The following C12orf42 variants were observed in gnomAD, a reference collection of about 807,000 sequenced individuals.
C12orf42 encodes the protein uncharacterized protein C12orf42.
A neutral mutation model predicts 21.6 loss-of-function variants in C12orf42; 25 were observed. The observed-to-expected ratio is 1.16, with a 90% CI of 0.84 to 1.62. The LOEUF (loss-of-function observed/expected upper bound fraction) is 1.62, where lower values mean the gene tolerates loss of function less well. Among genes scored for constraint, C12orf42 ranks in the 40% most tolerant of loss-of-function variants. The pLI is 0.00. For synonymous variants in C12orf42, 174 were observed against 175.0 expected (o/e 0.99, Z 0.05); for missense variants, 483 against 459.3 (o/e 1.05, Z -0.47).
At chr12:103,244,564 A>C (rs1412009995) in intron 10 of C12orf42, among the ~76,000 whole-genome samples, 1 of 151,984 alleles carries the variant, frequency 6.6e-6, no homozygotes, top group Non-Finnish European at 1.5e-5. Flanking sequence ...AAAAAAAAAA[A>C]AAAGAAAAAT....
chr12:103,439,458 G>A (rs2139517956), intron 2 of C12orf42, among the ~76,000 whole-genome samples: 1 of 107,130 alleles, frequency 9.3e-6, no homozygotes, highest in East Asian at 2.9e-4. Flanking sequence ...ACTACCATCA[G>A]AGTGAACAGG....
chr12:103,055,633 G>A, the C12orf42 span, among the ~76,000 whole-genome samples: 1 of 151,666 alleles, frequency 6.6e-6, no homozygotes, highest in African/African-American at 2.4e-5. Flanking sequence ...AGATTCTTTA[G>A]GATGACTTTA....
chr12:103,138,593 T>C, the C12orf42 span, among the ~76,000 whole-genome samples: 7 of 152,304 alleles, frequency 4.6e-5, no homozygotes, highest in African/African-American at 1.7e-4. Context: ...AGTGTGAGAA[T>C]GCACTAATAC....
At chr12:103,561,274 G>T in the C12orf42 span, among the ~76,000 whole-genome samples, 2 of 152,130 alleles carry the variant, frequency 1.3e-5, no homozygotes, top group African/African-American at 4.8e-5. Context: ...TGTACATGAG[G>T]CTTCCTTCCA....
intron 4 of C12orf42, among the ~76,000 whole-genome samples, chr12:103,287,274 A>G (rs2036525694): frequency 6.6e-6 from 1 of 152,218 alleles, no homozygotes; most frequent in African/African-American, 2.4e-5. Context: ...CTGCAGCACT[A>G]TTCACAATAG....
chr12:103,166,541 T>G, the C12orf42 span, among the ~76,000 whole-genome samples: 1 of 152,218 alleles, frequency 6.6e-6, no homozygotes, highest in South Asian at 2.1e-4. Flanking sequence ...ACATAATAAA[T>G]GGAGTCAGAA....
intron 4 of C12orf42, among the ~76,000 whole-genome samples, chr12:103,352,175 T>A (rs2043157000): frequency 6.6e-6 from 1 of 152,134 alleles, no homozygotes; most frequent in South Asian, 2.1e-4. Context: ...CACTTACCCA[T>A]TGCCCTGATC....
At chr12:103,358,924 C>T (rs1386506091) in intron 4 of C12orf42, among the ~76,000 whole-genome samples, 1 of 152,098 alleles carries the variant, frequency 6.6e-6, no homozygotes. Context: ...TAATCTCCCA[C>T]TGAGCCCAGA....
chr12:103,396,157 A>T (rs2047514435), intron 3 of C12orf42, among the ~76,000 whole-genome samples: 1 of 151,852 alleles, frequency 6.6e-6, no homozygotes, highest in African/African-American at 2.4e-5. Flanking sequence ...CTCATCTTAA[A>T]TTGTAATCAG....
the C12orf42 span, among the ~76,000 whole-genome samples, chr12:103,068,885 A>G: frequency 7.3e-6 from 1 of 137,296 alleles, no homozygotes; most frequent in African/African-American, 2.7e-5. Flanking sequence ...CTATATATAT[A>G]TATAGATAGA....
intron 2 of C12orf42, among the ~76,000 whole-genome samples, chr12:103,464,903 C>A (rs893584896): frequency 6.6e-6 from 1 of 152,166 alleles, no homozygotes; most frequent in Non-Finnish European, 1.5e-5. Context: ...TCTGAGATCT[C>A]TATTCTGTTA....
At chr12:103,241,505 G>A (rs1022450910) in intron 10 of C12orf42, among the ~76,000 whole-genome samples, 1 of 152,176 alleles carries the variant, frequency 6.6e-6, no homozygotes, top group African/African-American at 2.4e-5. Context: ...AAGTGGAGGA[G>A]TAGAAACAGC....
chr12:103,115,822 A>G, the C12orf42 span, among the ~76,000 whole-genome samples: 14 of 152,220 alleles, frequency 9.2e-5, no homozygotes, highest in African/African-American at 3.1e-4. Context: ...CGAAATCATG[A>G]AAACAGTGAT....
chr12:103,488,761 T>C (rs1955001314), intron 1 of C12orf42, among the ~76,000 whole-genome samples: 1 of 152,246 alleles, frequency 6.6e-6, no homozygotes, highest in African/African-American at 2.4e-5. Flanking sequence ...AGCTTGTGCA[T>C]GTGTCACGAA....
chr12:103,553,524 G>T, the C12orf42 span, among the ~76,000 whole-genome samples: 2 of 152,168 alleles, frequency 1.3e-5, no homozygotes, highest in African/African-American at 4.8e-5. Flanking sequence ...AATCTCAACC[G>T]TCTTCACCAG....
chr12:103,252,197 C>T (rs12424464), intron 10 of C12orf42, among the ~76,000 whole-genome samples: 15,652 of 152,040 alleles, frequency 0.1, 1,128 homozygotes, highest in Admixed American at 0.19. Flanking sequence ...CTATAATTGA[C>T]GGGTATTTGG....
the C12orf42 span, among the ~76,000 whole-genome samples, chr12:103,228,663 TC>T: frequency 6.6e-6 from 1 of 152,102 alleles, no homozygotes; most frequent in Non-Finnish European, 1.5e-5. Flanking sequence ...TCCTGGTATA[TC>T]TTGAAATACT....
the C12orf42 span, among the ~76,000 whole-genome samples, chr12:103,128,868 TAGA>T: frequency 1.3e-5 from 2 of 152,220 alleles, no homozygotes; most frequent in Non-Finnish European, 2.9e-5. Flanking sequence ...ACTAGCTTGT[TAGA>T]GGGTAAGATT....
At chr12:103,058,079 CT>C in the C12orf42 span, among the ~76,000 whole-genome samples, 3 of 151,942 alleles carry the variant, frequency 2.0e-5, no homozygotes, top group Non-Finnish European at 4.4e-5. Flanking sequence ...CCTCAGCCTC[CT>C]GAGTAGCTGG....
Sources: gnomAD v4.1 joint callset for allele counts (sites outside exome capture counted in the v4.1 genomes callset) on GRCh38, gnomAD v4.1.1 for gene constraint, MANE v1.5 for transcripts, NCBI Gene and HGNC (gene_info 2026-07-23, HGNC 2026-07-21) for gene names.